The following SLC16A4 variants were observed in gnomAD, a reference collection of about 807,000 sequenced individuals.
SLC16A4 encodes the protein solute carrier family 16 member 4, also known as probable monocarboxylate transporter 5.
SLC16A4 carries 39 observed loss-of-function variants against 47.9 expected under a neutral mutation model. The observed-to-expected ratio is 0.81, with a 90% CI of 0.63 to 1.06. The LOEUF (loss-of-function observed/expected upper bound fraction) is 1.06. Among genes scored for constraint, SLC16A4 ranks in the 50% least tolerant of loss-of-function variants. The pLI, the probability that SLC16A4 is intolerant of heterozygous loss-of-function variation, is 0.00. For missense variants in SLC16A4, 524 were observed against 573.8 expected, an observed-to-expected ratio of 0.91 and a Z score of 0.89; for synonymous variants, 189 against 199.9, an observed-to-expected ratio of 0.95 and a Z score of 0.46.
At chr1:110,383,673 C>T (rs572114075) in intron 2 of SLC16A4, among the ~76,000 whole-genome samples, 2 of 151,930 alleles carry the variant, frequency 1.3e-5, no homozygotes, top group South Asian at 2.1e-4. Flanking sequence ...AGTCTTGTGG[C>T]CTCCAGCTGT....
chr1:110,375,131 C>CTTTTTTTT (rs58441281), intron 8 of SLC16A4: 1 of 155,848 alleles, frequency 6.4e-6, no homozygotes, highest in Non-Finnish European at 1.3e-5. Flanking sequence ...TGCTCCCAGC[C>CTTTTTTTT]TTTTTTTTTT....
chr1:110,381,651 C>A lies in SLC16A4; in HGVS notation c.364+1G>T, dbSNP rs1189993368. 6.2e-7 allele frequency: 1 copy of A among 1,610,112 alleles called. No individual in the cohort carries two copies. The highest frequency in any genetic ancestry group is 8.5e-7 in the Non-Finnish European group (1 of 1,179,134). ...TGGTCACATAATTACAATGGACTCA[C>A]CGGGTAGAAGTCCCATAGTCACACA... On this transcript the variant is annotated splice_donor_variant, in intron 4 of 8. Transcript: ENST00000369779. LOFTEE classifies it high-confidence loss of function.
At chr1:110,364,614 A>G (rs906905374) in intron 8 of SLC16A4, among the ~76,000 whole-genome samples, 1 of 149,170 alleles carries the variant, frequency 6.7e-6, no homozygotes, top group African/African-American at 2.5e-5. Context: ...GGGTTCAAGC[A>G]GTTCTCCTGC....
At chr1:110,380,123 T>C (rs1421676233) in intron 5 of SLC16A4, among the ~76,000 whole-genome samples, 1 of 151,024 alleles carries the variant, frequency 6.6e-6, no homozygotes, top group East Asian at 2.0e-4. Flanking sequence ...ATGACATTTT[T>C]TAGATCTTCC....
intron 8 of SLC16A4, chr1:110,372,519 T>G (rs530984450): frequency 1.3e-4 from 20 of 152,396 alleles, no homozygotes; most frequent in African/African-American, 4.6e-4. Flanking sequence ...TGATGTTTCT[T>G]TGGTAGTTGC....
At chr1:110,373,272 T>C (rs980576874) in intron 8 of SLC16A4, among the ~76,000 whole-genome samples, 2 of 152,254 alleles carry the variant, frequency 1.3e-5, no homozygotes, top group African/African-American at 4.8e-5. Flanking sequence ...TATTTGTTAC[T>C]TCCTTGTACT....
chr1:110,383,822 T>G (rs1328418400), intron 2 of SLC16A4, among the ~76,000 whole-genome samples: 21 of 146,546 alleles, frequency 1.4e-4, no homozygotes, highest in East Asian at 1.4e-3. Context: ...TTTTTTTTTT[T>G]TTTTTTTTTT....
chr1:110,385,524 A>G (rs1010677591), intron 2 of SLC16A4, among the ~76,000 whole-genome samples: 4 of 152,080 alleles, frequency 2.6e-5, no homozygotes, highest in African/African-American at 9.7e-5. Context: ...CCCTTATCCT[A>G]TGCCTACTCT....
intron 2 of SLC16A4, among the ~76,000 whole-genome samples, chr1:110,388,262 C>T (rs1225626682): frequency 1.3e-5 from 2 of 152,158 alleles, no homozygotes; most frequent in African/African-American, 4.8e-5. Flanking sequence ...TCACCACTCT[C>T]ACACCTCAAC....
intron 6 of SLC16A4, among the ~76,000 whole-genome samples, chr1:110,378,404 T>TA (rs1465866337): frequency 6.6e-6 from 1 of 152,218 alleles, no homozygotes; most frequent in Non-Finnish European, 1.5e-5. Context: ...TGAAGCAAAG[T>TA]AACTTGCTGA....
At chr1:110,373,676 ATT>A (rs1237142099) in intron 8 of SLC16A4, among the ~76,000 whole-genome samples, 28 of 134,770 alleles carry the variant, frequency 2.1e-4, no homozygotes, top group Admixed American at 3.0e-4. Flanking sequence ...CCCAGTAATA[ATT>A]TTTTTTTTTT....
intron 8 of SLC16A4, among the ~76,000 whole-genome samples, chr1:110,374,587 C>A (rs985210004): frequency 3.3e-5 from 5 of 152,168 alleles, no homozygotes; most frequent in South Asian, 2.1e-4. Flanking sequence ...AGAAATACTT[C>A]TGTGTGAGTA....
intron 6 of SLC16A4, among the ~76,000 whole-genome samples, chr1:110,378,405 A>G (rs1337101208): frequency 6.6e-6 from 1 of 152,230 alleles, no homozygotes; most frequent in African/African-American, 2.4e-5. Context: ...GAAGCAAAGT[A>G]ACTTGCTGAA....
intron 8 of SLC16A4, among the ~76,000 whole-genome samples, chr1:110,368,013 A>G (rs1299620023): frequency 1.3e-5 from 2 of 152,138 alleles, no homozygotes; most frequent in African/African-American, 2.4e-5. Flanking sequence ...TATTTTTAGT[A>G]GAGACAGGGT....
At chr1:110,390,025 C>A (rs1020603232) in intron 1 of SLC16A4, among the ~76,000 whole-genome samples, 1 of 152,082 alleles carries the variant, frequency 6.6e-6, no homozygotes, top group Non-Finnish European at 1.5e-5. Flanking sequence ...ACACATGTAC[C>A]CCCTGAATCT....
At position 110,378,886 on chromosome 1, in the gene SLC16A4, T is replaced by A. The variant is rs779865367; in HGVS notation, c.997A>T (p.Ile333Phe). The A allele has an allele frequency of 5.0e-6, 8 of 1,613,978 alleles. No individual in the cohort carries two copies. In the Admixed American group the frequency reaches 8.3e-5, roughly 17 times the overall value. ...GAAACAAGGTAAGAGGCATCCATGA[T>A]GTCAATCCCCAGTGTTTTGGCTCTG... is the stretch of plus-strand genomic sequence containing the variant. ...VARAKTLGIDIMDASYLVSVA... is the reference protein window; with the variant it reads ...VARAKTLGIDFMDASYLVSVA... The change falls in exon 6 of 9, where the codon ATC becomes TTC. Residue 333 changes from isoleucine (I) to phenylalanine (F), a missense_variant. By Grantham distance (21) the Ile-to-Phe change is conservative. Coordinates refer to ENST00000369779, the MANE Select transcript of SLC16A4 (RefSeq NM_004696.3).
At chr1:110,381,970 CTATTT>C (rs1370274344) in intron 3 of SLC16A4, among the ~76,000 whole-genome samples, 175 bp from the exon 4 acceptor site, 3 of 152,224 alleles carry the variant, frequency 2.0e-5, no homozygotes, top group African/African-American at 4.8e-5. Context: ...TAGTGCCACA[CTATTT>C]TAGTTTTTGG....
chr1:110,375,162 C>G, intron 8 of SLC16A4: 58 of 194,742 alleles, frequency 3.0e-4, no homozygotes, highest in East Asian at 5.6e-4. Context: ...CATCATGGGT[C>G]TTTGAGGCTC....
chr1:110,384,762 G>A (rs1256610877), intron 2 of SLC16A4, among the ~76,000 whole-genome samples: 1 of 152,182 alleles, frequency 6.6e-6, no homozygotes, highest in Non-Finnish European at 1.5e-5. Flanking sequence ...TATAATCCTA[G>A]TACTTTGGGA....
Sources: gnomAD v4.1 joint callset for allele counts (sites outside exome capture counted in the v4.1 genomes callset) on GRCh38, gnomAD v4.1.1 for gene constraint, MANE v1.5 for transcripts, NCBI Gene and HGNC (gene_info 2026-07-23, HGNC 2026-07-21) for gene names.